The following ADAMTS3 variants were observed in gnomAD, a reference collection of about 807,000 sequenced individuals.
The protein encoded by ADAMTS3 is ADAM metallopeptidase with thrombospondin type 1 motif 3, also known as A disintegrin and metalloproteinase with thrombospondin motifs 3.
A neutral mutation model predicts 129.0 loss-of-function variants in ADAMTS3; 73 were observed. The observed-to-expected ratio is 0.57, with a 90% CI of 0.47 to 0.69. The LOEUF (loss-of-function observed/expected upper bound fraction) is 0.69, where lower values mean the gene tolerates loss of function less well. ADAMTS3 is among the 30% of genes least tolerant of loss of function. ADAMTS3 has a pLI of 0.00. For missense variants in ADAMTS3, 1,457 were observed against 1,514.5 expected, an observed-to-expected ratio of 0.96 and a Z score of 0.63; for synonymous variants, 477 against 510.8, an observed-to-expected ratio of 0.93 and a Z score of 0.89.
intron 5 of ADAMTS3, among the ~76,000 whole-genome samples, chr4:72,331,436 G>A (rs1719848652): frequency 6.6e-6 from 1 of 152,118 alleles, no homozygotes; most frequent in Non-Finnish European, 1.5e-5. Flanking sequence ...GTGTAACAGA[G>A]TCTCTCTCCT....
intron 3 of ADAMTS3, among the ~76,000 whole-genome samples, chr4:72,430,689 T>A (rs1330853341): frequency 6.6e-6 from 1 of 151,844 alleles, no homozygotes; most frequent in Non-Finnish European, 1.5e-5. Flanking sequence ...ACTGCAAGAA[T>A]GGAATTAGAG....
At chr4:72,414,450 G>GTATA (rs1722255590) in intron 4 of ADAMTS3, among the ~76,000 whole-genome samples, 4 of 151,952 alleles carry the variant, frequency 2.6e-5, no homozygotes, top group African/African-American at 4.8e-5. Flanking sequence ...TGCCATCCTA[G>GTATA]TATACATCCT....
chr4:72,322,154 C>A (rs1719572300), intron 6 of ADAMTS3, among the ~76,000 whole-genome samples: 1 of 152,070 alleles, frequency 6.6e-6, no homozygotes, highest in Non-Finnish European at 1.5e-5. Flanking sequence ...CTGTTATTTC[C>A]AGCTGGAGTT....
chr4:72,339,951 T>A (rs970053912), intron 4 of ADAMTS3, among the ~76,000 whole-genome samples: 1 of 152,166 alleles, frequency 6.6e-6, no homozygotes, highest in African/African-American at 2.4e-5. Flanking sequence ...GCAGAAGGAC[T>A]ATTCTGTAAG....
chr4:72,431,631 A>G (rs1400451099), intron 3 of ADAMTS3, among the ~76,000 whole-genome samples: 3 of 151,896 alleles, frequency 2.0e-5, no homozygotes, highest in Non-Finnish European at 4.4e-5. Context: ...CTTGGGTCTC[A>G]CCCCCAAGGT....
intron 4 of ADAMTS3, among the ~76,000 whole-genome samples, chr4:72,367,823 C>A (rs1437208688): frequency 6.7e-6 from 1 of 148,692 alleles, no homozygotes; most frequent in African/African-American, 2.5e-5. Context: ...ACACTCCAGC[C>A]TGGGCGACAA....
At chr4:72,450,763 G>A (rs150775888) in intron 3 of ADAMTS3, among the ~76,000 whole-genome samples, 2 of 151,698 alleles carry the variant, frequency 1.3e-5, no homozygotes, top group East Asian at 3.9e-4. Flanking sequence ...GTGCCACCCC[G>A]AGCATCTCTC....
chr4:72,447,704 C>T (rs561237822), intron 3 of ADAMTS3, among the ~76,000 whole-genome samples: 1 of 151,868 alleles, frequency 6.6e-6, no homozygotes, highest in South Asian at 2.1e-4. Flanking sequence ...TTCATCTACA[C>T]ATTTTGCAGT....
At chr4:72,382,986 C>G (rs1054807876) in intron 4 of ADAMTS3, among the ~76,000 whole-genome samples, 1 of 151,950 alleles carries the variant, frequency 6.6e-6, no homozygotes, top group Admixed American at 6.6e-5. Context: ...TGCACTATAC[C>G]CATGTAACAA....
intron 4 of ADAMTS3, among the ~76,000 whole-genome samples, chr4:72,348,767 C>T (rs986378488): frequency 6.6e-6 from 1 of 151,472 alleles, no homozygotes; most frequent in Non-Finnish European, 1.5e-5. Flanking sequence ...ATGGATTCTG[C>T]TCCTGGACAG....
At chr4:72,286,504 G>A (rs1369217356) in intron 21 of ADAMTS3, among the ~76,000 whole-genome samples, 1 of 152,162 alleles carries the variant, frequency 6.6e-6, no homozygotes, top group African/African-American at 2.4e-5. Flanking sequence ...AAGACTTAAA[G>A]CCTGAAAATG....
intron 3 of ADAMTS3, among the ~76,000 whole-genome samples, chr4:72,529,921 ATAT>A (rs1156821942): frequency 4.4e-4 from 20 of 45,146 alleles, no homozygotes; most frequent in African/African-American, 2.1e-3. Context: ...TATATTATAA[ATAT>A]TATATAATAT....
chr4:72,559,077 A>G (rs1721838180), intron 2 of ADAMTS3, among the ~76,000 whole-genome samples: 1 of 151,646 alleles, frequency 6.6e-6, no homozygotes, highest in African/African-American at 2.4e-5. Context: ...GAAAAATGAG[A>G]AAGATACAAG....
intron 3 of ADAMTS3, chr4:72,441,601 CT>C: frequency 6.6e-6 from 1 of 151,708 alleles, no homozygotes; most frequent in Admixed American, 6.6e-5. Flanking sequence ...AAATCTTGGT[CT>C]ACTCCAAAGA....
At position 72,371,195 on chromosome 4, in the gene ADAMTS3, T is replaced by C. The variant is rs184555992; in HGVS notation, c.662-31502A>G. Among the ~76,000 whole-genome samples the C allele has an allele frequency of 4.7e-4, 71 of 152,274 alleles. No homozygotes were observed. In the East Asian group the frequency reaches 0.012, roughly 26 times the overall value. ...TTTCAGACCTCTAGCCAACAGACTATGAGAGAATAAATTCTGTGTTTTTAG... is the reference window on the plus strand; with the variant it reads ...TTTCAGACCTCTAGCCAACAGACTACGAGAGAATAAATTCTGTGTTTTTAG... On this transcript the variant is annotated intron_variant, in intron 4 of 21. Transcript: ENST00000286657.
At chr4:72,505,755 T>A (rs531245501) in intron 3 of ADAMTS3, among the ~76,000 whole-genome samples, 5 of 152,336 alleles carry the variant, frequency 3.3e-5, no homozygotes, top group African/African-American at 1.2e-4. Context: ...CCTAGACTTC[T>A]AATCCTGGAA....
intron 3 of ADAMTS3, among the ~76,000 whole-genome samples, chr4:72,533,792 A>G (rs753003942): frequency 1.3e-5 from 2 of 151,434 alleles, no homozygotes; most frequent in East Asian, 3.9e-4. Flanking sequence ...TGAAGCCTTC[A>G]AGTACACAGA....
chr4:72,458,401 C>G (rs976940005), intron 3 of ADAMTS3, among the ~76,000 whole-genome samples: 7 of 150,612 alleles, frequency 4.6e-5, no homozygotes, highest in African/African-American at 1.7e-4. Flanking sequence ...AAATAGCAAG[C>G]AAAAAAATGC....
intron 21 of ADAMTS3, 70 bp downstream of exon 21, chr4:72,288,681 T>C: frequency 1.0e-6 from 1 of 1,002,182 alleles, no homozygotes; most frequent in Non-Finnish European, 1.6e-6. Context: ...ATAACTTCTC[T>C]CAAAAGGAAA....
Sources: allele counts gnomAD v4.1 joint callset (sites outside exome capture counted in the v4.1 genomes callset), GRCh38; gene constraint gnomAD v4.1.1; transcripts MANE v1.5; gene names NCBI Gene and HGNC (gene_info 2026-07-23, HGNC 2026-07-21).